PFKFB4: variants seen among roughly 807,000 people sequenced by gnomAD.
PFKFB4 encodes the protein 6-phosphofructo-2-kinase/fructose-2,6-bisphosphatase 4.
Under a neutral mutation model 62.8 loss-of-function variants are expected in PFKFB4, and 42 were observed. The observed-to-expected ratio is 0.67, with a 90% CI of 0.52 to 0.86. The LOEUF (loss-of-function observed/expected upper bound fraction) is 0.86. PFKFB4 is among the 40% of genes least tolerant of loss of function. The pLI, the probability that PFKFB4 is intolerant of heterozygous loss-of-function variation, is 0.00. For missense variants in PFKFB4, 475 were observed against 627.2 expected (o/e 0.76, Z 2.59); for synonymous variants, 204 against 240.7 (o/e 0.85, Z 1.41).
chr3:48,559,903 C>G (rs975145983), upstream of PFKFB4: 1 of 48,604 alleles, frequency 2.1e-5, no homozygotes, highest in Non-Finnish European at 3.5e-5. Context: ...TCCCACCACA[C>G]ACACACACAC....
At chr3:48,541,933 C>T (rs1431645266) in intron 4 of PFKFB4, among the ~76,000 whole-genome samples, 5 of 152,142 alleles carry the variant, frequency 3.3e-5, no homozygotes, top group Non-Finnish European at 5.9e-5. Flanking sequence ...CACTACACTC[C>T]AGCCTGGGCA....
chr3:48,519,880 C>T, intron 13 of PFKFB4, 74 bp from the exon 14 acceptor site: 1 of 1,185,418 alleles, frequency 8.4e-7, no homozygotes, highest in South Asian at 1.2e-5. Context: ...CCGTCCTCAT[C>T]ACTGTGGTTC....
At chr3:48,531,729 G>T (rs1475983872) in intron 9 of PFKFB4, among the ~76,000 whole-genome samples, 1 of 151,986 alleles carries the variant, frequency 6.6e-6, no homozygotes, top group Non-Finnish European at 1.5e-5. Flanking sequence ...GGAGGTCAAG[G>T]CTGCAGTGAG....
At chr3:48,528,694 G>A (rs1451709625) in intron 9 of PFKFB4, among the ~76,000 whole-genome samples, 1 of 152,140 alleles carries the variant, frequency 6.6e-6, no homozygotes, top group African/African-American at 2.4e-5. Flanking sequence ...CCTTGGACAT[G>A]AATGTTCACA....
intron 9 of PFKFB4, among the ~76,000 whole-genome samples, chr3:48,535,110 G>A (rs1304737998): frequency 6.6e-6 from 1 of 152,160 alleles, no homozygotes; most frequent in African/African-American, 2.4e-5. Flanking sequence ...CACCTGGCGA[G>A]AACAGCATCT....
At chr3:48,548,615 A>G (rs2043034698) in intron 3 of PFKFB4, 1 of 152,070 alleles carries the variant, frequency 6.6e-6, no homozygotes. Context: ...TAAACTTGCT[A>G]TTTTGTGCGA....
intron 9 of PFKFB4, among the ~76,000 whole-genome samples, chr3:48,531,761 C>T (rs573346619): frequency 2.0e-4 from 30 of 151,750 alleles, no homozygotes; most frequent in Non-Finnish European, 3.5e-4. Context: ...CCATTGCACT[C>T]CAGCCAGGAC....
chr3:48,562,699 A>G, upstream of PFKFB4: 2 of 1,288,908 alleles, frequency 1.6e-6, no homozygotes, highest in African/African-American at 1.5e-5. The surrounding 1 kb of genome is among the most constrained non-coding windows in gnomAD (Gnocchi z 4.3). Flanking sequence ...GTATGCCCAG[A>G]TGTGGCAGCA....
intron 10 of PFKFB4, among the ~76,000 whole-genome samples, 172 bp downstream of exon 10, chr3:48,525,393 G>A (rs1249276853): frequency 6.6e-6 from 1 of 152,160 alleles, no homozygotes; most frequent in African/African-American, 2.4e-5. Flanking sequence ...GGCCTGGGCT[G>A]CATAGCTGGG....
At chr3:48,519,865 G>T in intron 13 of PFKFB4, 59 bp from the exon 14 acceptor site, 2 of 1,348,934 alleles carry the variant, frequency 1.5e-6, no homozygotes, top group Non-Finnish European at 2.1e-6. Flanking sequence ...GATGCCTGCT[G>T]TCTGCCGTCC....
chr3:48,518,906 G>A lies in PFKFB4; in HGVS notation c.*841C>T, dbSNP rs2267846. The stretch of plus-strand genomic sequence containing the variant: ...GAGAGGGGGCGGCAGCCTCTCCCTC[G>A]AGCACTTCGGTGTGTGCACCAGGAA... On this transcript the variant is annotated 3_prime_UTR_variant, in exon 14 of 14. Coordinates refer to ENST00000232375, the MANE Select transcript of PFKFB4 (RefSeq NM_004567.4). 0.21 allele frequency: 32,549 copies of A among 152,128 alleles called. 4,018 individuals are homozygous for A. The highest frequency in any genetic ancestry group is 0.32 in the South Asian group (1,539 of 4,822). 9.4% of individuals were successfully genotyped at this position (152,128 alleles called of 1,614,324 possible).
chr3:48,523,988 T>C (rs956525940), intron 10 of PFKFB4, among the ~76,000 whole-genome samples, 158 bp from the exon 11 acceptor site: 10 of 151,562 alleles, frequency 6.6e-5, no homozygotes, highest in African/African-American at 2.4e-4. Flanking sequence ...GCCATGGGGG[T>C]GGGCAGCTGA....
chr3:48,529,974 C>T (rs1381600438), intron 9 of PFKFB4, among the ~76,000 whole-genome samples: 1 of 151,776 alleles, frequency 6.6e-6, no homozygotes, highest in African/African-American at 2.4e-5. Context: ...TAAAATAGGC[C>T]AGGCATAGTG....
At chr3:48,528,828 T>C (rs2107487364) in intron 9 of PFKFB4, among the ~76,000 whole-genome samples, 1 of 152,316 alleles carries the variant, frequency 6.6e-6, no homozygotes, top group African/African-American at 2.4e-5. Context: ...AGGAATGAAA[T>C]ACTGCTACAT....
chr3:48,551,729 G>C (rs1278032021), intron 1 of PFKFB4, among the ~76,000 whole-genome samples: 1 of 151,094 alleles, frequency 6.6e-6, no homozygotes, highest in East Asian at 1.9e-4. Context: ...ATTTTCAGTA[G>C]AGACAGGATT....
At chr3:48,539,112 G>A (rs926936127) in intron 6 of PFKFB4, 142 bp downstream of exon 6, 33 of 711,600 alleles carry the variant, frequency 4.6e-5, no homozygotes, top group Middle Eastern at 2.3e-4. Context: ...CACAGAGGGC[G>A]AGGCATACCT....
rs546517785 is a variant in PFKFB4 at position 48,543,237 on chromosome 3, T to A, written c.378+343A>T. ...AGTGGGTTCCTACAACAACCAGTAA[T>A]GCTGGGCAGGATTCTCCCCACACCA... is the stretch of plus-strand genomic sequence containing the variant. On this transcript the variant is annotated intron_variant, in intron 4 of 13. Coordinates refer to ENST00000232375, the MANE Select transcript of PFKFB4 (RefSeq NM_004567.4). Among the ~76,000 whole-genome samples, 8 of 152,274 alleles carry A rather than the reference T, an allele frequency of 5.3e-5. No homozygotes were observed. In the South Asian group the frequency reaches 1.5e-3, roughly 28 times the overall value.
At position 48,549,939 on chromosome 3, in the gene PFKFB4, C is replaced by G; in HGVS notation, c.236G>C (p.Arg79Pro). The change falls in exon 3 of 14, where the codon CGC (arginine) becomes CCC (proline). Residue 79 changes from arginine (R) to proline (P), a missense_variant. Coordinates refer to ENST00000232375, the MANE Select transcript of PFKFB4 (RefSeq NM_004567.4). ...PTREFNVGQY[R>P]RDVVKTYKSF... ...TTTGTAGGTCTTGACCACGTCCCGG[C>G]GATACTGGCCAACATTGAACTCTGG... is the stretch of plus-strand genomic sequence containing the variant. The G allele has an allele frequency of 6.2e-7, 1 of 1,613,286 alleles. No individual in the cohort carries two copies. Among genetic ancestry groups the G allele is most frequent in the Non-Finnish European group, 8.5e-7 (1 of 1,179,230 alleles).
intron 1 of PFKFB4, among the ~76,000 whole-genome samples, chr3:48,553,453 G>T (rs1306540164): frequency 3.3e-5 from 5 of 151,596 alleles, no homozygotes; most frequent in Non-Finnish European, 5.9e-5. Flanking sequence ...CAGCCTGGGG[G>T]ACAAAGCAAG....
Sources: gnomAD v4.1 joint callset for allele counts (sites outside exome capture counted in the v4.1 genomes callset) on GRCh38, gnomAD v4.1.1 for gene constraint, Gnocchi (gnomAD v3.1) non-coding constraint, MANE v1.5 for transcripts, NCBI Gene and HGNC (gene_info 2026-07-23, HGNC 2026-07-21) for gene names.